FHIT: variants seen among roughly 807,000 people sequenced by gnomAD.
The protein encoded by FHIT is fragile histidine triad diadenosine triphosphatase, also known as bis(5'-adenosyl)-triphosphatase.
In FHIT, 19 loss-of-function variants were observed where a neutral mutation model predicts 17.9. The ratio of observed to expected loss-of-function variants is 1.06; its 90% CI spans 0.74 to 1.56. The LOEUF is 1.56. Among genes scored for constraint, FHIT ranks in the 40% most tolerant of loss-of-function variants. FHIT has a pLI of 0.00. For synonymous variants in FHIT, 81 were observed against 69.7 expected (o/e 1.16, Z -0.81); for missense variants, 248 against 189.2 (o/e 1.31, Z -1.82).
At chr3:60,828,826 C>T (rs937633870) in intron 3 of FHIT, among the ~76,000 whole-genome samples, 2 of 152,010 alleles carry the variant, frequency 1.3e-5, no homozygotes, top group Non-Finnish European at 2.9e-5. Context: ...TGCAGTGAGC[C>T]GAGATGGTGC....
intron 8 of FHIT, among the ~76,000 whole-genome samples, chr3:59,824,259 G>C (rs1007235724): frequency 6.6e-6 from 1 of 152,088 alleles, no homozygotes; most frequent in African/African-American, 2.4e-5. Flanking sequence ...GGGAGGTAGA[G>C]AGAGTGTTAA....
chr3:60,880,117 A>G (rs1704889229), intron 3 of FHIT, among the ~76,000 whole-genome samples: 1 of 152,194 alleles, frequency 6.6e-6, no homozygotes, highest in African/African-American at 2.4e-5. Context: ...CAAGAATTCT[A>G]AAAACAACAA....
At chr3:60,760,998 A>T (rs1484267856) in intron 4 of FHIT, among the ~76,000 whole-genome samples, 4 of 152,212 alleles carry the variant, frequency 2.6e-5, no homozygotes, top group African/African-American at 9.7e-5. Context: ...TGAAAAATAA[A>T]TCTGAAGCCT....
chr3:59,852,875 G>A (rs1031744471), intron 8 of FHIT, among the ~76,000 whole-genome samples: 1 of 152,050 alleles, frequency 6.6e-6, no homozygotes, highest in Non-Finnish European at 1.5e-5. Flanking sequence ...TTTTGGCACT[G>A]AATCAGAAAC....
chr3:60,108,272 T>C (rs1261234933), intron 5 of FHIT, among the ~76,000 whole-genome samples: 1 of 152,184 alleles, frequency 6.6e-6, no homozygotes, highest in African/African-American at 2.4e-5. Context: ...ATGGGAGGTT[T>C]AGACACAGTT....
intron 4 of FHIT, among the ~76,000 whole-genome samples, chr3:60,559,821 G>A (rs2036872410): frequency 6.6e-6 from 1 of 152,128 alleles, no homozygotes; most frequent in South Asian, 2.1e-4. Context: ...AAATCTGATT[G>A]TTTCTCAAAC....
At position 59,749,390 on chromosome 3, in the gene FHIT, G is replaced by GT. The variant is rs1430341833; in HGVS notation, c.*194dup. ...AACCTCAAATCTGCCTGTCTGAGCC[G>GT]TTTAGGTCTAGGTATTTTAAGGGAG... On this transcript the variant is annotated 3_prime_UTR_variant, in exon 10 of 10. Coordinates refer to ENST00000492590, the MANE Select transcript of FHIT (RefSeq NM_002012.4). The GT allele has an allele frequency of 1.7e-5, 4 of 231,502 alleles. No individual in the cohort carries two copies. Among genetic ancestry groups the GT allele is most frequent in the African/African-American group, 2.2e-5 (1 of 45,166 alleles). The allele number at this position is 231,502 out of a possible 1,614,324, so 14.3% of individuals were successfully genotyped here. A position where few individuals can be genotyped will look rare whatever the true frequency, so the allele number is the denominator to read the frequency against.
chr3:60,836,908 A>G (rs1236491591), intron 3 of FHIT, among the ~76,000 whole-genome samples: 1 of 152,182 alleles, frequency 6.6e-6, no homozygotes, highest in Non-Finnish European at 1.5e-5. Flanking sequence ...ATGGTGAGTC[A>G]AGACATCTGG....
At position 60,027,141 on chromosome 3, in the gene FHIT, ACACAC is replaced by A. The variant is rs1337763364; in HGVS notation, c.104-12994_104-12990del. 7.3e-3 allele frequency among the ~76,000 whole-genome samples: 935 copies of A among 128,608 alleles called. 34 individuals are homozygous for A. The highest frequency in any genetic ancestry group is 0.024 in the East Asian group (121 of 4,952). 84.4% of individuals were successfully genotyped at this position (128,608 alleles called of 152,430 possible). On this transcript the variant is annotated intron_variant, in intron 5 of 9. Transcript: ENST00000492590. ...CACACACACACACACACACACACAC[ACACAC>A]ACAAAATTAGTAAACCCAATAATCC...
intron 4 of FHIT, among the ~76,000 whole-genome samples, chr3:60,539,588 T>C (rs920485845): frequency 1.2e-4 from 18 of 152,218 alleles, no homozygotes; most frequent in South Asian, 4.1e-4. Flanking sequence ...ATGTAGCACA[T>C]ATACGTGGAA....
rs533041384 is a variant in FHIT, at chr3:60,335,679, A to C, written c.103+201181T>G. The stretch of plus-strand genomic sequence containing the variant: ...CAAAGACTCAGCACACACACACACA[A>C]AAAAGTAACACAAAAACCTCTTGTT... On this transcript the variant is annotated intron_variant, in intron 5 of 9. Transcript: ENST00000492590. Among the ~76,000 whole-genome samples the C allele has an allele frequency of 1.4e-3, 211 of 152,294 alleles. 1 individual carries two copies. Among genetic ancestry groups the C allele is most frequent in the Admixed American group, 1.6e-3 (24 of 15,298 alleles).
At chr3:59,985,264 C>G (rs1435388293) in intron 7 of FHIT, among the ~76,000 whole-genome samples, 1 of 152,116 alleles carries the variant, frequency 6.6e-6, no homozygotes, top group Non-Finnish European at 1.5e-5. Context: ...CCATTACAAA[C>G]ACAGAATGCT....
At chr3:60,235,280 G>A (rs547700296) in intron 5 of FHIT, among the ~76,000 whole-genome samples, 140 of 146,432 alleles carry the variant, frequency 9.6e-4, no homozygotes, top group African/African-American at 3.4e-3. Flanking sequence ...ACCCAGGCTC[G>A]AGTGCAATGG....
chr3:60,029,909 G>GTGTGTGTGTGTGTGTGTGTC, intron 5 of FHIT, among the ~76,000 whole-genome samples: 2 of 32,226 alleles, frequency 6.2e-5, no homozygotes, highest in African/African-American at 1.3e-4. Flanking sequence ...GTGTGTGTGT[G>GTGTGTGTGTGTGTGTGTGTC]TGTGTGTGTG....
intron 4 of FHIT, among the ~76,000 whole-genome samples, chr3:60,798,963 T>C (rs1553731386): frequency 6.6e-6 from 1 of 151,778 alleles, no homozygotes; most frequent in Non-Finnish European, 1.5e-5. Flanking sequence ...TCACCCAGCC[T>C]CCCAAAATGT....
intron 4 of FHIT, among the ~76,000 whole-genome samples, chr3:60,713,507 T>C (rs2041597522): frequency 1.4e-5 from 2 of 148,064 alleles, no homozygotes; most frequent in South Asian, 2.2e-4. Context: ...TTTGAAAGGA[T>C]CAACAAAATT....
chr3:60,146,283 G>A (rs921989958), intron 5 of FHIT, among the ~76,000 whole-genome samples: 13 of 150,604 alleles, frequency 8.6e-5, no homozygotes, highest in African/African-American at 3.2e-4. Context: ...GGAGGGGGCT[G>A]ACTTGCAGCC....
Position 61,197,455 on chromosome 3 carries a change from A to G in FHIT, c.-164+3162T>C, listed in dbSNP as rs904060213. On this transcript the variant is annotated intron_variant, in intron 2 of 9. Transcript: ENST00000492590. ...TATTTATTCACAGTAGGAGTGCAAA[A>G]TTGATATACCTGTTAAAAAAAAATT... Among the ~76,000 whole-genome samples, 33 of 152,170 alleles carry G rather than the reference A, an allele frequency of 2.2e-4. 1 individual carries two copies. The highest frequency in any genetic ancestry group is 2.0e-3 in the Admixed American group (31 of 15,274).
chr3:60,992,415 G>T (rs1196596143), intron 3 of FHIT, among the ~76,000 whole-genome samples: 1 of 152,214 alleles, frequency 6.6e-6, no homozygotes, highest in Non-Finnish European at 1.5e-5. Flanking sequence ...AAAAAAATAT[G>T]TATTTCAGGG....
Sources: gnomAD v4.1 joint callset for allele counts (sites outside exome capture counted in the v4.1 genomes callset) on GRCh38, gnomAD v4.1.1 for gene constraint, MANE v1.5 for transcripts, NCBI Gene and HGNC (gene_info 2026-07-23, HGNC 2026-07-21) for gene names.